Variants in ANXA13 observed in about 807,000 individuals in gnomAD.
ANXA13 encodes the protein annexin XIII.
ANXA13 carries 36 observed loss-of-function variants against 46.6 expected under a neutral mutation model. The ratio of observed to expected loss-of-function variants is 0.77; its 90% CI spans 0.59 to 1.02. ANXA13 has a LOEUF of 1.02. ANXA13 is among the 50% of genes least tolerant of loss of function. The pLI, the probability that ANXA13 is intolerant of heterozygous loss-of-function variation, is 0.00. For synonymous variants in ANXA13, 163 were observed against 152.9 expected, an observed-to-expected ratio of 1.07 and a Z score of -0.49; for missense variants, 417 against 396.5, an observed-to-expected ratio of 1.05 and a Z score of -0.44.
intron 10 of ANXA13, among the ~76,000 whole-genome samples, chr8:123,681,609 T>C (rs534096753): frequency 1.8e-4 from 26 of 147,862 alleles, no homozygotes; most frequent in East Asian, 9.8e-4. Flanking sequence ...CCACTAAAAC[T>C]CTTGAATTTC....
intron 10 of ANXA13, among the ~76,000 whole-genome samples, chr8:123,683,498 C>G (rs1035650266): frequency 1.9e-4 from 26 of 139,002 alleles, no homozygotes; most frequent in African/African-American, 7.2e-4. Flanking sequence ...CCCAAGGCTT[C>G]TCCTGCTGCC....
chr8:123,683,608 A>G (rs1813083045), intron 10 of ANXA13, among the ~76,000 whole-genome samples: 2 of 120,640 alleles, frequency 1.7e-5, no homozygotes, highest in Non-Finnish European at 3.3e-5. Flanking sequence ...TTTTTTTGAG[A>G]CCGAGTCTCG....
intron 1 of ANXA13, among the ~76,000 whole-genome samples, chr8:123,721,534 TC>T (rs1813872762): frequency 6.6e-6 from 1 of 152,210 alleles, no homozygotes; most frequent in Non-Finnish European, 1.5e-5. Context: ...CTTTCTTCCA[TC>T]TTGACCTGAT....
At chr8:123,736,885 G>A (rs1233070857) in intron 1 of ANXA13, among the ~76,000 whole-genome samples, 2 of 90,074 alleles carry the variant, frequency 2.2e-5, no homozygotes, top group African/African-American at 8.8e-5. Context: ...TTTCACTCTT[G>A]TAGTCCAGGC....
At chr8:123,698,078 C>T (rs539772584) in intron 4 of ANXA13, among the ~76,000 whole-genome samples, 4 of 152,312 alleles carry the variant, frequency 2.6e-5, no homozygotes, top group East Asian at 3.9e-4. Flanking sequence ...TCAGAAGAGC[C>T]GCAAAGTCAG....
Position 123,695,593 on chromosome 8 carries a change from G to A in ANXA13, c.392-12C>T. The A allele has an allele frequency of 6.2e-7, 1 of 1,613,274 alleles. No individual in the cohort carries two copies. Among genetic ancestry groups the A allele is most frequent in the Non-Finnish European group, 8.5e-7 (1 of 1,179,312 alleles). The stretch of plus-strand genomic sequence containing the variant: ...GCTCCTATCAAATACTTCGAAGGAA[G>A]TAAACAAGGAGGGAAGAAAGCAGAT... On this transcript the variant is annotated splice_polypyrimidine_tract_variant and intron_variant, in intron 5 of 10. Coordinates refer to ENST00000419625, the MANE Select transcript of ANXA13 (RefSeq NM_004306.4).
At chr8:123,703,916 C>T (rs1225249498) in intron 2 of ANXA13, among the ~76,000 whole-genome samples, 1 of 152,080 alleles carries the variant, frequency 6.6e-6, no homozygotes, top group African/African-American at 2.4e-5. Context: ...ACCATCAAAC[C>T]CCACATTAGA....
At chr8:123,689,212 G>A (rs1402469045) in intron 8 of ANXA13, among the ~76,000 whole-genome samples, 2 of 150,102 alleles carry the variant, frequency 1.3e-5, no homozygotes, top group African/African-American at 4.9e-5. Context: ...TTCCTCATCT[G>A]TAAAATTTGG....
chr8:123,718,770 T>C (rs1265248400), intron 1 of ANXA13, among the ~76,000 whole-genome samples: 1 of 152,204 alleles, frequency 6.6e-6, no homozygotes, highest in Non-Finnish European at 1.5e-5. Flanking sequence ...AACGAGATGC[T>C]CTGATCCTAG....
intron 1 of ANXA13, among the ~76,000 whole-genome samples, chr8:123,733,132 C>T (rs1018940327): frequency 2.0e-5 from 3 of 152,062 alleles, no homozygotes; most frequent in Non-Finnish European, 2.9e-5. Context: ...CACTGCACTC[C>T]AGCCTGGGCA....
intron 1 of ANXA13, among the ~76,000 whole-genome samples, chr8:123,722,878 C>G (rs918708439): frequency 1.3e-5 from 2 of 152,150 alleles, no homozygotes; most frequent in African/African-American, 4.8e-5. Context: ...TCATTTCACA[C>G]CCAATCTTCC....
intron 1 of ANXA13, among the ~76,000 whole-genome samples, chr8:123,733,102 G>A (rs1814157586): frequency 6.6e-6 from 1 of 152,094 alleles, no homozygotes; most frequent in African/African-American, 2.4e-5. Flanking sequence ...GGTTGAGGCT[G>A]CAGTGAGCCA....
intron 1 of ANXA13, among the ~76,000 whole-genome samples, chr8:123,736,865 T>TG (rs1554596850): frequency 0.034 from 5,085 of 148,790 alleles, 183 homozygotes; most frequent in Admixed American, 0.1. Flanking sequence ...TTTTTTTTTT[T>TG]GGGACGGAGT....
chr8:123,729,161 G>C (rs1814060362), intron 1 of ANXA13: 1 of 152,188 alleles, frequency 6.6e-6, no homozygotes, highest in African/African-American at 2.4e-5. Flanking sequence ...ACATCTTACA[G>C]ATACTTAGAG....
chr8:123,727,408 T>C (rs1814021805), intron 1 of ANXA13, among the ~76,000 whole-genome samples: 1 of 151,966 alleles, frequency 6.6e-6, no homozygotes, highest in Non-Finnish European at 1.5e-5. Context: ...CTGGTGGAGA[T>C]CCAGTGACAT....
chr8:123,681,852 G>A (rs995382111), intron 10 of ANXA13, among the ~76,000 whole-genome samples: 6 of 151,914 alleles, frequency 3.9e-5, no homozygotes, highest in African/African-American at 9.7e-5. Context: ...TCTCGAACTC[G>A]TGACCTCAGG....
At chr8:123,684,522 G>C (rs2129816876) in intron 10 of ANXA13, 88 bp downstream of exon 10, 1 of 885,710 alleles carries the variant, frequency 1.1e-6, no homozygotes. Context: ...CTGTAAATAG[G>C]CCCTTAATAG....
At chr8:123,730,739 G>A (rs1342018826) in intron 1 of ANXA13, among the ~76,000 whole-genome samples, 2 of 152,146 alleles carry the variant, frequency 1.3e-5, no homozygotes, top group Non-Finnish European at 2.9e-5. Context: ...ATTTATAAAG[G>A]AAAGAAGTTT....
At chr8:123,729,776 G>A (rs1008071788) in intron 1 of ANXA13, among the ~76,000 whole-genome samples, 1 of 151,874 alleles carries the variant, frequency 6.6e-6, no homozygotes, top group African/African-American at 2.4e-5. Flanking sequence ...ACAATTAAAT[G>A]TCTTTGTTAT....
Sources: allele counts gnomAD v4.1 joint callset (sites outside exome capture counted in the v4.1 genomes callset), GRCh38; gene constraint gnomAD v4.1.1; transcripts MANE v1.5; gene names NCBI Gene and HGNC (gene_info 2026-07-23, HGNC 2026-07-21).